Variants in ZNF704 observed in about 807,000 individuals in gnomAD.
ZNF704 encodes the protein glucocorticoid induced gene 1.
A neutral mutation model predicts 44.7 loss-of-function variants in ZNF704; 10 were observed. The ratio of observed to expected loss-of-function variants is 0.22; its 90% CI spans 0.14 to 0.38. ZNF704 has a LOEUF of 0.38. Among genes scored for constraint, ZNF704 ranks in the 10% least tolerant of loss-of-function variants. The pLI is 1.00. For missense variants in ZNF704, 390 were observed against 545.5 expected, an observed-to-expected ratio of 0.71 and a Z score of 2.84; for synonymous variants, 211 against 207.6, an observed-to-expected ratio of 1.02 and a Z score of -0.14.
intron 2 of ZNF704, among the ~76,000 whole-genome samples, chr8:80,747,455 C>T (rs530242842): frequency 2.6e-5 from 4 of 152,258 alleles, no homozygotes; most frequent in African/African-American, 9.6e-5. Flanking sequence ...ATATGCTACA[C>T]AAACCTCTGA....
chr8:80,750,505 C>T (rs568006387), intron 2 of ZNF704, among the ~76,000 whole-genome samples: 2 of 148,450 alleles, frequency 1.3e-5, no homozygotes, highest in East Asian at 1.9e-4. Flanking sequence ...CCAGCATGTA[C>T]TTTAAACTTT....
At chr8:80,643,490 C>G (rs916492877) in intron 7 of ZNF704, among the ~76,000 whole-genome samples, 2 of 131,074 alleles carry the variant, frequency 1.5e-5, no homozygotes, top group Non-Finnish European at 3.1e-5. Flanking sequence ...GCACTCCAGC[C>G]TGGGTGACAG....
At chr8:80,764,819 GAAT>G (rs1425238361) in intron 2 of ZNF704, among the ~76,000 whole-genome samples, 2 of 152,138 alleles carry the variant, frequency 1.3e-5, no homozygotes, top group Non-Finnish European at 2.9e-5. Context: ...TTATTCAAGA[GAAT>G]AATTTCATAT....
At chr8:80,726,152 T>G (rs537824529) in intron 2 of ZNF704, among the ~76,000 whole-genome samples, 34 of 152,178 alleles carry the variant, frequency 2.2e-4, no homozygotes, top group African/African-American at 8.2e-4. Flanking sequence ...TTAATACATA[T>G]TTATTAGTTA....
At chr8:80,741,585 G>A (rs1378289369) in intron 2 of ZNF704, among the ~76,000 whole-genome samples, 2 of 152,212 alleles carry the variant, frequency 1.3e-5, no homozygotes, top group African/African-American at 2.4e-5. Flanking sequence ...ACTTGTGGCT[G>A]TCAGACAACC....
chr8:80,654,866 A>G (rs1166403461), intron 7 of ZNF704, among the ~76,000 whole-genome samples: 1 of 152,240 alleles, frequency 6.6e-6, no homozygotes, highest in African/African-American at 2.4e-5. Flanking sequence ...AGTATAAATC[A>G]TGCTGCTATA....
chr8:80,854,413 G>T (rs1808923122), intron 1 of ZNF704, among the ~76,000 whole-genome samples: 1 of 152,114 alleles, frequency 6.6e-6, no homozygotes, highest in African/African-American at 2.4e-5. Context: ...GACTGCTTGA[G>T]CTTGGATCTC....
At chr8:80,664,604 C>T (rs796985041) in intron 6 of ZNF704, among the ~76,000 whole-genome samples, 9 of 152,268 alleles carry the variant, frequency 5.9e-5, no homozygotes, top group African/African-American at 2.2e-4. Flanking sequence ...TCTACGGGAT[C>T]GAATCCACAG....
At chr8:80,708,321 C>T (rs908947423) in intron 2 of ZNF704, among the ~76,000 whole-genome samples, 1 of 152,172 alleles carries the variant, frequency 6.6e-6, no homozygotes. Context: ...AAACACAATG[C>T]AGAGTTTACC....
chr8:80,706,910 C>T (rs1441026937), intron 2 of ZNF704, among the ~76,000 whole-genome samples: 1 of 152,188 alleles, frequency 6.6e-6, no homozygotes, highest in Non-Finnish European at 1.5e-5. Context: ...CGATGAGTGA[C>T]AGACTACTGA....
intron 2 of ZNF704, among the ~76,000 whole-genome samples, chr8:80,740,178 T>C (rs77793741): frequency 0.027 from 4,113 of 152,254 alleles, 195 homozygotes; most frequent in African/African-American, 0.093. Context: ...ATTCTTTTCA[T>C]ATACTTTTCT....
In ZNF704 at chr8:80,659,716, G is replaced by C. The variant is rs558108502; in HGVS notation, c.928-27C>G. The C allele has an allele frequency of 9.7e-5, 155 of 1,600,204 alleles. No individual in the cohort carries two copies. The Admixed American group carries it at 1.8e-3, about 19-fold the overall frequency. On this transcript the variant is annotated intron_variant, in intron 6 of 8. Transcript: ENST00000327835. ...TGTCAAATAAAAAACAGAGAAAGCT[G>C]TTATGAAGGAATATTTTCCTTCGGA...
intron 2 of ZNF704, among the ~76,000 whole-genome samples, chr8:80,770,920 T>C (rs1166719504): frequency 6.6e-6 from 1 of 152,240 alleles, no homozygotes; most frequent in Admixed American, 6.5e-5. Context: ...TGTTGTTGTT[T>C]GTTTGTTTTT....
chr8:80,691,940 G>A (rs953763028), intron 3 of ZNF704, among the ~76,000 whole-genome samples: 3 of 152,046 alleles, frequency 2.0e-5, no homozygotes, highest in Admixed American at 1.3e-4. Flanking sequence ...CACTCTCTCT[G>A]TCCAGCACCA....
chr8:80,750,277 C>T (rs1586000822), intron 2 of ZNF704, among the ~76,000 whole-genome samples: 3 of 151,784 alleles, frequency 2.0e-5, no homozygotes, highest in Admixed American at 2.0e-4. Flanking sequence ...GTGGGATCTC[C>T]TCAAACTGTA....
chr8:80,710,342 T>C (rs774634941), intron 2 of ZNF704, among the ~76,000 whole-genome samples: 1 of 152,230 alleles, frequency 6.6e-6, no homozygotes, highest in Non-Finnish European at 1.5e-5. Context: ...TTAACTCAGT[T>C]ACTCCTCTTA....
In ZNF704 at chr8:80,874,672, C is replaced by T. The variant is rs1329015936; in HGVS notation, c.-123G>A. 1.3e-5 allele frequency: 2 copies of T among 152,074 alleles called. No homozygotes were observed. Among genetic ancestry groups the T allele is most frequent in the East Asian group, 3.9e-4 (2 of 5,150 alleles). 9.4% of individuals were successfully genotyped at this position (152,074 alleles called of 1,614,324 possible). On this transcript the variant is annotated 5_prime_UTR_variant, in exon 1 of 9. Coordinates refer to ENST00000327835, the MANE Select transcript of ZNF704 (RefSeq NM_001033723.3). The surrounding 1 kb of genome is among the most constrained non-coding windows in gnomAD (Gnocchi z 4.4). Reference sequence around the variant, plus strand: ...TTCCCTCCGGAGGGAGGGGAGTAGACTTCGCTGGAAGTAAGGTTGTCTGTC... The same window carrying T: ...TTCCCTCCGGAGGGAGGGGAGTAGATTTCGCTGGAAGTAAGGTTGTCTGTC...
In ZNF704 at chr8:80,628,504, G is replaced by T. The variant is rs1221709357; in HGVS notation, c.*12862C>A. On this transcript the variant is annotated 3_prime_UTR_variant, in exon 9 of 9. Coordinates refer to ENST00000327835, the MANE Select transcript of ZNF704 (RefSeq NM_001033723.3). Reference sequence around the variant, plus strand: ...AAGTGGAAGTTAGACTTACTTCATGGTAATTAACCAGTTACAAGTGCATTT... The same window carrying T: ...AAGTGGAAGTTAGACTTACTTCATGTTAATTAACCAGTTACAAGTGCATTT... The T allele has an allele frequency of 6.6e-6, 1 of 152,192 alleles. No homozygotes were observed. The highest frequency in any genetic ancestry group is 1.5e-5 in the Non-Finnish European group (1 of 68,044). The allele number at this position is 152,192 out of a possible 1,614,324, so 9.4% of individuals were successfully genotyped here. A position where few individuals can be genotyped will look rare whatever the true frequency, so the allele number is the denominator to read the frequency against.
At chr8:80,873,847 G>A (rs1586091824) in intron 1 of ZNF704, among the ~76,000 whole-genome samples, 1 of 146,666 alleles carries the variant, frequency 6.8e-6, no homozygotes, top group Non-Finnish European at 1.5e-5. Context: ...GGCCGGTCCC[G>A]GCGCTGCGCG....
Sources: gnomAD v4.1 joint callset for allele counts (sites outside exome capture counted in the v4.1 genomes callset) on GRCh38, gnomAD v4.1.1 for gene constraint, Gnocchi (gnomAD v3.1) non-coding constraint, MANE v1.5 for transcripts, NCBI Gene and HGNC (gene_info 2026-07-23, HGNC 2026-07-21) for gene names.